ZNF740: variants seen among roughly 807,000 people sequenced by gnomAD.
The protein encoded by ZNF740 is zinc finger protein 740.
A neutral mutation model predicts 24.8 loss-of-function variants in ZNF740; 14 were observed. The observed-to-expected ratio is 0.56, with a 90% CI of 0.37 to 0.88. The LOEUF is 0.88. ZNF740 is among the 40% of genes least tolerant of loss of function. ZNF740 has a pLI of 0.00. For missense variants in ZNF740, 201 were observed against 247.9 expected, an observed-to-expected ratio of 0.81 and a Z score of 1.27; for synonymous variants, 69 against 84.0, an observed-to-expected ratio of 0.82 and a Z score of 0.98.
rs1299553049 is a variant in ZNF740 at position 53,192,898 on chromosome 12, C to T, written c.*5308C>T. ...ATGACAGTGACATACTCCACATTGG[C>T]AGCGACCAAAGCCTGGGGTAGAGCC... On this transcript the variant is annotated 3_prime_UTR_variant, in exon 7 of 7. Transcript: ENST00000416904. The T allele has an allele frequency of 3.1e-6, 5 of 1,613,928 alleles. No individual in the cohort carries two copies. Among genetic ancestry groups the T allele is most frequent in the South Asian group, 1.1e-5 (1 of 91,080 alleles).
Position 53,193,300 on chromosome 12 carries a change from G to A in ZNF740, c.*5710G>A. On this transcript the variant is annotated 3_prime_UTR_variant, in exon 7 of 7. Transcript: ENST00000416904. ...TGGGAGCCCGGCACCCAGATTCCAG[G>A]TCTGGGGAGGACAGCTCTGCCACAG... is the stretch of plus-strand genomic sequence containing the variant. The A allele has an allele frequency of 6.2e-7, 1 of 1,612,170 alleles. No homozygotes were observed. Among genetic ancestry groups the A allele is most frequent in the Admixed American group, 1.7e-5 (1 of 59,952 alleles).
rs1203946352 is a variant in ZNF740, at chr12:53,187,616, G to A, written c.*26G>A. The A allele has an allele frequency of 1.3e-6, 2 of 1,592,652 alleles. No individual in the cohort carries two copies. Among genetic ancestry groups the A allele is most frequent in the South Asian group, 2.2e-5 (2 of 90,496 alleles). On this transcript the variant is annotated 3_prime_UTR_variant, in exon 7 of 7. Transcript: ENST00000416904. ...GCGCAAGGGGCCCCGGGTGGTGGGA[G>A]TGATCAGAAGAACCTGCCGAAGAGC...
intron 5 of ZNF740, 121 bp from the exon 6 acceptor site, chr12:53,186,270 C>T: frequency 8.6e-7 from 1 of 1,161,652 alleles, no homozygotes; most frequent in Non-Finnish European, 1.2e-6. Flanking sequence ...GGGGACCTCT[C>T]CCCATTTATG....
Position 53,191,924 on chromosome 12 carries a change from C to A in ZNF740, c.*4334C>A. 2.5e-6 allele frequency: 4 copies of A among 1,611,124 alleles called. No individual in the cohort carries two copies. The highest frequency in any genetic ancestry group is 3.4e-6 in the Non-Finnish European group (4 of 1,179,994). On this transcript the variant is annotated 3_prime_UTR_variant, in exon 7 of 7. Coordinates refer to ENST00000416904, the MANE Select transcript of ZNF740 (RefSeq NM_001004304.4). ...CTGTATTCCCGGCGGTCATAGATTT[C>A]CACCGAGAGCCGGTAAGCCAGGACC...
chr12:53,191,625 AG>A lies in ZNF740; in HGVS notation c.*4037del. The A allele has an allele frequency of 6.2e-7, 1 of 1,613,340 alleles. No homozygotes were observed. The highest frequency in any genetic ancestry group is 1.1e-5 in the South Asian group (1 of 91,068). Reference sequence around the variant, plus strand: ...TGGTCGTGATGGCACTTTTGTAGAGAGGATTACTGTCCTGGAGAAAGATGTT... The same window carrying A: ...TGGTCGTGATGGCACTTTTGTAGAGAGATTACTGTCCTGGAGAAAGATGTT... On this transcript the variant is annotated 3_prime_UTR_variant, in exon 7 of 7. Transcript: ENST00000416904.
In ZNF740 at chr12:53,185,495, C is replaced by T. The variant is rs1363637643; in HGVS notation, c.249+19C>T. On this transcript the variant is annotated intron_variant, in intron 4 of 6. Coordinates refer to ENST00000416904, the MANE Select transcript of ZNF740 (RefSeq NM_001004304.4). ...TAAAAAGGCAGGTAATGGGGTGATC[C>T]CCCAAACTCATACAGTTTGGTAATG... The T allele has an allele frequency of 1.2e-6, 2 of 1,609,060 alleles. No individual in the cohort carries two copies. The highest frequency in any genetic ancestry group is 3.3e-5 in the Admixed American group (2 of 59,954).
In ZNF740 at chr12:53,192,033, A is replaced by C. The variant is rs201131467; in HGVS notation, c.*4443A>C. On this transcript the variant is annotated 3_prime_UTR_variant, in exon 7 of 7. Transcript: ENST00000416904. ...GGTCTGCTCCCTCTGTGAACAAGAA[A>C]CCAGACACACTTGTGGGAGCTGGAG... The C allele has an allele frequency of 6.2e-7, 1 of 1,608,692 alleles. No homozygotes were observed. The highest frequency in any genetic ancestry group is 2.2e-5 in the East Asian group (1 of 44,754).
rs1444700215 is a variant in ZNF740, at chr12:53,193,188, C to T, written c.*5598C>T. The T allele has an allele frequency of 3.1e-6, 5 of 1,614,100 alleles. No individual in the cohort carries two copies. Among genetic ancestry groups the T allele is most frequent in the African/African-American group, 2.7e-5 (2 of 75,036 alleles). On this transcript the variant is annotated 3_prime_UTR_variant, in exon 7 of 7. Transcript: ENST00000416904. ...CGCTCACAGCTGGCATCGTCACACTCGCACAGATGCCCAGAGCTCTGTCCA... is the reference window on the plus strand; with the variant it reads ...CGCTCACAGCTGGCATCGTCACACTTGCACAGATGCCCAGAGCTCTGTCCA...
At chr12:53,185,120 C>G in intron 3 of ZNF740, 80 bp downstream of exon 3, 1 of 1,586,776 alleles carries the variant, frequency 6.3e-7, no homozygotes, top group South Asian at 1.1e-5. Context: ...GCTCTGATTC[C>G]TTGATGCTTC....
At chr12:53,182,939 T>G (rs997486418) in intron 2 of ZNF740, among the ~76,000 whole-genome samples, 1 of 152,202 alleles carries the variant, frequency 6.6e-6, no homozygotes, top group African/African-American at 2.4e-5. Context: ...GATAGGCTGT[T>G]GTAGTCATCT....
intron 2 of ZNF740, among the ~76,000 whole-genome samples, chr12:53,182,389 G>A (rs957037461): frequency 3.3e-5 from 5 of 152,168 alleles, no homozygotes; most frequent in Admixed American, 6.6e-5. Flanking sequence ...AGATGAATAC[G>A]ATTGTCCTTG....
chr12:53,185,448 C>T lies in ZNF740; in HGVS notation c.221C>T (p.Ala74Val), dbSNP rs779101795. ...SRKDDDSLSEASHSKKTVKKV... is the reference protein window; with the variant it reads ...SRKDDDSLSEVSHSKKTVKKV... ...AAAGATGATGACAGCTTGTCTGAGGCCTCTCATTCAAAAAAGACTGTTAAA... is the reference window on the plus strand; with the variant it reads ...AAAGATGATGACAGCTTGTCTGAGGTCTCTCATTCAAAAAAGACTGTTAAA... The change falls in exon 4 of 7, where the codon GCC (alanine) becomes GTC (valine). Residue 74 changes from alanine to valine, a missense_variant. Around this residue, in one of 3 missense-constraint regions of ZNF740, gnomAD observed 117 missense variants for 122.3 expected, o/e 0.96. Coordinates refer to ENST00000416904, the MANE Select transcript of ZNF740 (RefSeq NM_001004304.4). 9.3e-6 allele frequency: 15 copies of T among 1,613,932 alleles called. No individual in the cohort carries two copies. The South Asian group carries it at 1.6e-4, about 18-fold the overall frequency.
At position 53,193,941 on chromosome 12, in the gene ZNF740, C is replaced by G; in HGVS notation, c.*6351C>G. ...GAATCAGGCCATGGTTATACACATG[C>G]ACACACACATACCCCAAACTCACCA... On this transcript the variant is annotated 3_prime_UTR_variant, in exon 7 of 7. Transcript: ENST00000416904. 1 of 1,554,374 alleles carries G rather than the reference C, an allele frequency of 6.4e-7. No homozygotes were observed. The highest frequency in any genetic ancestry group is 8.8e-7 in the Non-Finnish European group (1 of 1,137,702).
intron 2 of ZNF740, among the ~76,000 whole-genome samples, chr12:53,182,448 C>T (rs552002459): frequency 6.6e-6 from 1 of 152,130 alleles, no homozygotes; most frequent in East Asian, 1.9e-4. Context: ...GGATGGAAAG[C>T]CATTTATTTT....
rs938473219 is a variant in ZNF740, at chr12:53,183,866, C to CA, written c.10-1016dup. 3.1e-3 allele frequency among the ~76,000 whole-genome samples: 463 copies of CA among 150,304 alleles called. 1 individual carries two copies. The highest frequency in any genetic ancestry group is 0.011 in the African/African-American group (431 of 40,990). On this transcript the variant is annotated intron_variant, in intron 2 of 6. Transcript: ENST00000416904. ...TGGTGAAACCCCGTCTCTATAAATA[C>CA]AAAAAAAAATAGCCGGGTGTGGTGG...
At chr12:53,187,465 G>C (rs754748958) in intron 6 of ZNF740, 36 bp from the exon 7 acceptor site, 1 of 1,587,146 alleles carries the variant, frequency 6.3e-7, no homozygotes. Context: ...AGCTGCGTTT[G>C]TCTGCTCAGG....
At chr12:53,187,297 AC>A (rs1941842220) in intron 6 of ZNF740, among the ~76,000 whole-genome samples, 1 of 152,194 alleles carries the variant, frequency 6.6e-6, no homozygotes, top group African/African-American at 2.4e-5. Context: ...CCAAGGTCAC[AC>A]AGCTGCTGAG....
intron 1 of ZNF740, 142 bp downstream of exon 1, chr12:53,180,979 A>T: frequency 1.6e-4 from 25 of 155,546 alleles, no homozygotes; most frequent in East Asian, 3.5e-4. Flanking sequence ...TCTCCGGGGG[A>T]GGGAGGGGAA....
intron 2 of ZNF740, among the ~76,000 whole-genome samples, chr12:53,184,148 T>TGCGCGC (rs1191495650): frequency 5.0e-5 from 5 of 100,396 alleles, no homozygotes; most frequent in African/African-American, 1.9e-4. Context: ...TGTGTGTGTG[T>TGCGCGC]GTGCGCGCGC....
Sources: gnomAD v4.1 joint callset for allele counts (sites outside exome capture counted in the v4.1 genomes callset) on GRCh38, gnomAD v4.1.1 for gene constraint, gnomAD v4.1.1 regional missense constraint, MANE v1.5 for transcripts, NCBI Gene and HGNC (gene_info 2026-07-23, HGNC 2026-07-21) for gene names.